The following SPATA6 variants were observed in gnomAD, a reference collection of about 807,000 sequenced individuals.
The protein encoded by SPATA6 is spermatogenesis-associated protein 6.
SPATA6 carries 56 observed loss-of-function variants against 65.3 expected under a neutral mutation model. That is an observed-to-expected ratio of 0.86 (90% confidence interval 0.69 to 1.07). The LOEUF is 1.07. Ranked by LOEUF, SPATA6 falls within the 50% of genes least tolerant of loss-of-function variation. The pLI, the probability that SPATA6 is intolerant of heterozygous loss-of-function variation, is 0.00. For missense variants in SPATA6, 590 were observed against 594.8 expected, an observed-to-expected ratio of 0.99 and a Z score of 0.08; for synonymous variants, 199 against 213.2, an observed-to-expected ratio of 0.93 and a Z score of 0.58.
chr1:48,438,286 G>A (rs1005139277), intron 3 of SPATA6, among the ~76,000 whole-genome samples: 11 of 152,108 alleles, frequency 7.2e-5, no homozygotes, highest in African/African-American at 2.4e-4. Flanking sequence ...AGGGACCATC[G>A]CCAAGCAGTG....
chr1:48,430,568 G>A (rs1386247410), intron 3 of SPATA6, among the ~76,000 whole-genome samples: 1 of 152,088 alleles, frequency 6.6e-6, no homozygotes, highest in African/African-American at 2.4e-5. Flanking sequence ...TAAATATGCG[G>A]GAAGTTATAA....
At chr1:48,399,301 G>T in intron 7 of SPATA6, 50 bp downstream of exon 7, 1 of 1,542,510 alleles carries the variant, frequency 6.5e-7, no homozygotes, top group South Asian at 1.2e-5. Flanking sequence ...CAGTTTTTTT[G>T]GGAAAAAAGC....
chr1:48,267,269 G>A, the SPATA6 span, among the ~76,000 whole-genome samples: 1 of 152,156 alleles, frequency 6.6e-6, no homozygotes, highest in East Asian at 1.9e-4. Flanking sequence ...AGTGTTTACA[G>A]CTCCTGAAGC....
chr1:48,403,949 A>C, intron 5 of SPATA6, 67 bp from the exon 6 acceptor site: 2 of 1,150,274 alleles, frequency 1.7e-6, no homozygotes, highest in Non-Finnish European at 1.2e-6. Context: ...TAATGATAAG[A>C]ATATGACCTA....
intron 11 of SPATA6, among the ~76,000 whole-genome samples, chr1:48,311,888 A>G (rs918724850): frequency 6.6e-6 from 1 of 152,142 alleles, no homozygotes; most frequent in African/African-American, 2.4e-5. Context: ...TGCTTTTCCA[A>G]TGGTCTTAGC....
intron 11 of SPATA6, among the ~76,000 whole-genome samples, chr1:48,351,128 T>C (rs113138466): frequency 0.01 from 1,545 of 152,048 alleles, 26 homozygotes; most frequent in African/African-American, 0.035. Context: ...GTAAATGGCA[T>C]AGATCTTATA....
At chr1:48,266,738 A>G in the SPATA6 span, among the ~76,000 whole-genome samples, 1 of 152,302 alleles carries the variant, frequency 6.6e-6, no homozygotes, top group African/African-American at 2.4e-5. Flanking sequence ...CCAGGTTTCC[A>G]GTGGAAGTGA....
the SPATA6 span, among the ~76,000 whole-genome samples, chr1:48,287,178 T>A: frequency 6.6e-6 from 1 of 152,064 alleles, no homozygotes; most frequent in African/African-American, 2.4e-5. Context: ...GCATGTCACA[T>A]GTCAAAAGCC....
intron 9 of SPATA6, among the ~76,000 whole-genome samples, chr1:48,365,010 T>C (rs1032309064): frequency 5.9e-5 from 9 of 152,238 alleles, no homozygotes; most frequent in African/African-American, 2.2e-4. Context: ...TTCAGCTTTC[T>C]ACATATGGCT....
the SPATA6 span, among the ~76,000 whole-genome samples, chr1:48,261,939 C>T: frequency 6.6e-6 from 1 of 152,184 alleles, no homozygotes; most frequent in East Asian, 1.9e-4. Flanking sequence ...TACCAGAGTA[C>T]TATTCACTGT....
chr1:48,291,527 G>A (rs958348810), downstream of SPATA6, among the ~76,000 whole-genome samples: 2 of 151,756 alleles, frequency 1.3e-5, no homozygotes, highest in Non-Finnish European at 2.9e-5. Flanking sequence ...GCAGCCACAG[G>A]CCTCAACCAG....
rs545116914 is a variant in SPATA6 at position 48,350,302 on chromosome 1, CTTTT to C, written c.1194+5364_1194+5367del. Among the ~76,000 whole-genome samples, 98 of 140,582 alleles carry C rather than the reference CTTTT, an allele frequency of 7.0e-4. 3 individuals are homozygous for C. The East Asian group carries it at 0.019, about 27-fold the overall frequency. The allele number at this position is 140,582 out of a possible 152,430, so 92.2% of individuals were successfully genotyped here. ...GGATAGTTGTTTTGTGCTTTTCTTT[CTTTT>C]TTTTTTTTCCTAACTCTGGATACAA... On this transcript the variant is annotated intron_variant, in intron 11 of 12. Coordinates refer to ENST00000371847, the MANE Select transcript of SPATA6 (RefSeq NM_019073.4).
chr1:48,282,103 G>A, the SPATA6 span, among the ~76,000 whole-genome samples: 10 of 152,208 alleles, frequency 6.6e-5, no homozygotes, highest in African/African-American at 1.7e-4. Context: ...CTATTTAATA[G>A]ATGGTGCTGG....
chr1:48,403,933 AATT>A (rs1310154163), intron 5 of SPATA6, 51 bp from the exon 6 acceptor site: 9 of 1,287,356 alleles, frequency 7.0e-6, no homozygotes, highest in Non-Finnish European at 9.9e-6. Context: ...AAATAGAGAT[AATT>A]ATTAATGATA....
intron 11 of SPATA6, among the ~76,000 whole-genome samples, chr1:48,316,186 A>G (rs951179297): frequency 2.0e-5 from 3 of 152,196 alleles, no homozygotes; most frequent in Non-Finnish European, 4.4e-5. Context: ...AAACTACTTT[A>G]AAGTTCATAT....
chr1:48,379,797 A>T (rs1280799203), intron 9 of SPATA6, among the ~76,000 whole-genome samples: 5 of 152,196 alleles, frequency 3.3e-5, no homozygotes, highest in Non-Finnish European at 5.9e-5. Context: ...AATAAATGAA[A>T]ATCCAGTATC....
At chr1:48,364,246 G>C (rs1220230963) in intron 9 of SPATA6, among the ~76,000 whole-genome samples, 4 of 152,128 alleles carry the variant, frequency 2.6e-5, no homozygotes, top group African/African-American at 4.8e-5. Flanking sequence ...ATGGTGAATA[G>C]TGCCACAATA....
At chr1:48,427,502 A>G (rs1412057996) in intron 3 of SPATA6, among the ~76,000 whole-genome samples, 1 of 152,008 alleles carries the variant, frequency 6.6e-6, no homozygotes, top group East Asian at 1.9e-4. Flanking sequence ...AAATGGATAC[A>G]TTATTGCTGT....
At chr1:48,268,304 A>ATGTG in the SPATA6 span, among the ~76,000 whole-genome samples, 741 of 149,322 alleles carry the variant, frequency 5.0e-3, 7 homozygotes, top group African/African-American at 0.017. Context: ...AAATAAAAAT[A>ATGTG]TGTGTGTGTG....
Sources: allele counts gnomAD v4.1 joint callset (sites outside exome capture counted in the v4.1 genomes callset), GRCh38; gene constraint gnomAD v4.1.1; transcripts MANE v1.5; gene names NCBI Gene and HGNC (gene_info 2026-07-23, HGNC 2026-07-21).